The following EHBP1 variants were observed in gnomAD, a reference collection of about 807,000 sequenced individuals.
EHBP1 encodes EH domain binding protein 1, also known as EH domain-binding protein 1.
A neutral mutation model predicts 144.0 loss-of-function variants in EHBP1; 55 were observed. That is an observed-to-expected ratio of 0.38 (90% CI 0.31 to 0.48). EHBP1 has a LOEUF of 0.48. Among genes scored for constraint, EHBP1 ranks in the 20% least tolerant of loss-of-function variants. The pLI, the probability that EHBP1 is intolerant of heterozygous loss-of-function variation, is 0.98. For synonymous variants in EHBP1, 469 were observed against 472.7 expected (o/e 0.99, Z 0.10); for missense variants, 1,200 against 1,364.2 (o/e 0.88, Z 1.90).
chr2:62,814,870 G>A (rs1345978835), intron 5 of EHBP1, among the ~76,000 whole-genome samples: 1 of 152,144 alleles, frequency 6.6e-6, no homozygotes, highest in African/African-American at 2.4e-5. Context: ...GCTCAGTTCT[G>A]TTCTTATCAA....
At chr2:63,036,406 C>T (rs1158489554) in intron 19 of EHBP1, among the ~76,000 whole-genome samples, 1 of 151,844 alleles carries the variant, frequency 6.6e-6, no homozygotes, top group Non-Finnish European at 1.5e-5. Context: ...ATCATACTTA[C>T]CTGTGGAGAA....
chr2:62,737,254 T>TC (rs985750138), intron 2 of EHBP1, among the ~76,000 whole-genome samples: 2 of 152,158 alleles, frequency 1.3e-5, no homozygotes, highest in Non-Finnish European at 2.9e-5. Context: ...ATGGTTTATT[T>TC]CCCCCTTTCC....
At chr2:62,971,372 A>G (rs1304444542) in intron 14 of EHBP1, among the ~76,000 whole-genome samples, 3 of 151,810 alleles carry the variant, frequency 2.0e-5, no homozygotes, top group Non-Finnish European at 3.0e-5. Context: ...AATGTAAACA[A>G]ATTAGTTGCT....
chr2:62,764,203 G>A, intron 3 of EHBP1, 63 bp from the exon 4 acceptor site: 1 of 1,181,682 alleles, frequency 8.5e-7, no homozygotes, highest in Non-Finnish European at 1.2e-6. Flanking sequence ...ATTTTATTCT[G>A]GTAAATTACT....
intron 2 of EHBP1, among the ~76,000 whole-genome samples, chr2:62,728,867 AAG>A: frequency 6.6e-6 from 1 of 152,100 alleles, no homozygotes; most frequent in Non-Finnish European, 1.5e-5. Flanking sequence ...TATTTTTTAT[AAG>A]AGTTTTATAA....
chr2:62,904,938 G>A (rs2152957333), intron 10 of EHBP1, among the ~76,000 whole-genome samples: 1 of 152,208 alleles, frequency 6.6e-6, no homozygotes, highest in African/African-American at 2.4e-5. Context: ...GAGTTAGAAA[G>A]ATTACAAAAA....
intron 1 of EHBP1, among the ~76,000 whole-genome samples, chr2:62,675,704 ATCTTCCTGTCCTGGGAG>A (rs1425102441): frequency 1.3e-5 from 2 of 152,228 alleles, no homozygotes; most frequent in Non-Finnish European, 2.9e-5. Flanking sequence ...ATGGAGAGGT[ATCTTCCTGTCCTGGGAG>A]TCTTTGAGTT....
At chr2:62,752,321 A>G (rs961694090) in intron 3 of EHBP1, among the ~76,000 whole-genome samples, 4 of 152,156 alleles carry the variant, frequency 2.6e-5, no homozygotes, top group African/African-American at 9.7e-5. Context: ...CCTGAGTTCT[A>G]GTTTGATTGC....
chr2:63,028,667 C>G (rs550090179), intron 19 of EHBP1, among the ~76,000 whole-genome samples: 1 of 152,074 alleles, frequency 6.6e-6, no homozygotes, highest in Non-Finnish European at 1.5e-5. Flanking sequence ...TTGGAAGGAA[C>G]CTATCTGGAA....
intron 14 of EHBP1, among the ~76,000 whole-genome samples, chr2:62,974,242 G>A (rs2058620386): frequency 6.6e-6 from 1 of 152,098 alleles, no homozygotes; most frequent in Admixed American, 6.5e-5. Context: ...TTGAGGCAGG[G>A]TCTTGCTATG....
At chr2:63,040,599 T>A (rs2061616877) in intron 21 of EHBP1, among the ~76,000 whole-genome samples, 1 of 152,212 alleles carries the variant, frequency 6.6e-6, no homozygotes, top group African/African-American at 2.4e-5. Flanking sequence ...GTTGTTAGTG[T>A]TTTGCATTAT....
At chr2:62,906,094 T>G (rs2053790688) in intron 10 of EHBP1, among the ~76,000 whole-genome samples, 14 of 152,134 alleles carry the variant, frequency 9.2e-5, no homozygotes, top group Admixed American at 9.2e-4. Context: ...CATTTAGGTC[T>G]GTGACCCACT....
At chr2:62,760,826 T>C (rs2040711663) in intron 3 of EHBP1, among the ~76,000 whole-genome samples, 2 of 152,250 alleles carry the variant, frequency 1.3e-5, no homozygotes, top group Non-Finnish European at 2.9e-5. Context: ...ATTTACTCTT[T>C]GCTTGCTTCA....
Position 62,847,227 on chromosome 2 carries a change from A to G in EHBP1, c.635-11942A>G, listed in dbSNP as rs921194462. Among the ~76,000 whole-genome samples, 3 of 152,250 alleles carry G rather than the reference A, an allele frequency of 2.0e-5. No individual in the cohort carries two copies. In the East Asian group the frequency reaches 5.8e-4, roughly 29 times the overall value. ...TCCAGTGGGGGAAAAGGTCTTTTCAATAAATGATGCTGAACAACTGGATGT... is the reference window on the plus strand; with the variant it reads ...TCCAGTGGGGGAAAAGGTCTTTTCAGTAAATGATGCTGAACAACTGGATGT... On this transcript the variant is annotated intron_variant, in intron 7 of 22. Coordinates refer to ENST00000431489, the MANE Select transcript of EHBP1 (RefSeq NM_001142616.3).
At chr2:62,996,876 C>A in intron 19 of EHBP1, 110 bp downstream of exon 19, 1 of 1,478,578 alleles carries the variant, frequency 6.8e-7, no homozygotes, top group Non-Finnish European at 9.1e-7. Flanking sequence ...AGCAAAACTG[C>A]CTTGAAAATA....
intron 19 of EHBP1, among the ~76,000 whole-genome samples, chr2:63,016,035 G>T (rs145374353): frequency 9.8e-4 from 149 of 152,212 alleles, no homozygotes; most frequent in African/African-American, 3.4e-3. Context: ...TTCTGAAGTA[G>T]TATAGAGTTA....
intron 14 of EHBP1, among the ~76,000 whole-genome samples, chr2:62,965,202 T>C (rs532898122): frequency 1.3e-5 from 2 of 152,164 alleles, no homozygotes; most frequent in East Asian, 3.9e-4. Flanking sequence ...TTTGAAACAA[T>C]CCCCTTTCTA....
At chr2:62,757,432 T>C (rs965815275) in intron 3 of EHBP1, among the ~76,000 whole-genome samples, 48 of 144,722 alleles carry the variant, frequency 3.3e-4, no homozygotes, top group African/African-American at 8.2e-4. Flanking sequence ...TTTTCTTTTT[T>C]TTTTTTTTTT....
chr2:62,943,009 C>T, intron 11 of EHBP1, 113 bp downstream of exon 11: 1 of 776,690 alleles, frequency 1.3e-6, no homozygotes, highest in South Asian at 2.5e-5. Flanking sequence ...GTTTTATTAC[C>T]CCACCTCTTG....
Sources: gnomAD v4.1 joint callset for allele counts (sites outside exome capture counted in the v4.1 genomes callset) on GRCh38, gnomAD v4.1.1 for gene constraint, MANE v1.5 for transcripts, NCBI Gene and HGNC (gene_info 2026-07-23, HGNC 2026-07-21) for gene names.